ATAD2B: variants seen among roughly 807,000 people sequenced by gnomAD.
ATAD2B encodes the protein ATPase family AAA domain-containing protein 2B.
In ATAD2B, 40 loss-of-function variants were observed where a neutral mutation model predicts 167.6. The observed-to-expected ratio is 0.24, with a 90% CI of 0.19 to 0.31. The LOEUF (loss-of-function observed/expected upper bound fraction) is 0.31. Ranked by LOEUF, ATAD2B falls within the 10% of genes least tolerant of loss-of-function variation. The pLI is 1.00. For missense variants in ATAD2B, 1,242 were observed against 1,757.2 expected, an observed-to-expected ratio of 0.71 and a Z score of 5.24; for synonymous variants, 579 against 596.5, an observed-to-expected ratio of 0.97 and a Z score of 0.43.
intron 22 of ATAD2B, among the ~76,000 whole-genome samples, chr2:23,781,332 A>AT (rs1171786142): frequency 1.5e-4 from 21 of 143,220 alleles, no homozygotes; most frequent in African/African-American, 4.9e-4. Flanking sequence ...CTGACCACAA[A>AT]AAAATAAATA....
intron 10 of ATAD2B, among the ~76,000 whole-genome samples, chr2:23,866,308 G>A (rs1032700541): frequency 4.6e-5 from 7 of 152,184 alleles, no homozygotes; most frequent in African/African-American, 1.4e-4. Context: ...GGGAGGCTGA[G>A]GCAGGAGAAT....
Position 23,757,451 on chromosome 2 carries a change from C to T in ATAD2B, c.4045G>A (p.Val1349Met), listed in dbSNP as rs1676083979. The T allele has an allele frequency of 9.2e-6, 14 of 1,515,922 alleles. No individual in the cohort carries two copies. Among genetic ancestry groups the T allele is most frequent in the Non-Finnish European group, 1.2e-5 (14 of 1,137,496 alleles). 93.9% of individuals were successfully genotyped at this position (1,515,922 alleles called of 1,614,324 possible). The change falls in exon 25 of 28, where the codon GTG (valine) becomes ATG (methionine). Residue 1349 changes from valine (V) to methionine (M), a missense_variant. Val to Met is a conservative substitution (Grantham distance 21). Transcript: ENST00000238789. The part of the protein sequence containing the change: ...NNEKLEPGSD[V>M]EVKDAELDKE... ...TCCAGTTCTGCATCTTTAACCTCCA[C>T]ATCAGAGCCAGGTTCTAACTTCTCA...
In ATAD2B at chr2:23,845,122, T is replaced by C. The variant is rs566558547; in HGVS notation, c.1569-11044A>G. On this transcript the variant is annotated intron_variant, in intron 13 of 27. Coordinates refer to ENST00000238789, the MANE Select transcript of ATAD2B (RefSeq NM_017552.4). The stretch of plus-strand genomic sequence containing the variant: ...AAAAAAGTGTCGACTTCAAATTTTA[T>C]ACCCAGAGAAAATACCCTTCAAAAA... 2.6e-5 allele frequency among the ~76,000 whole-genome samples: 4 copies of C among 152,280 alleles called. No individual in the cohort carries two copies. The South Asian group carries it at 8.3e-4, about 32-fold the overall frequency.
the ATAD2B span, among the ~76,000 whole-genome samples, chr2:23,679,362 A>T: frequency 3.0e-4 from 45 of 152,296 alleles, no homozygotes; most frequent in African/African-American, 1.0e-3. Context: ...TCTGCTCCAC[A>T]CAGTCTCTCA....
chr2:23,830,470 A>C (rs562212177), intron 14 of ATAD2B, among the ~76,000 whole-genome samples: 7 of 152,186 alleles, frequency 4.6e-5, no homozygotes, highest in Non-Finnish European at 1.0e-4. Flanking sequence ...TGAGACATGA[A>C]AAAGTAAATT....
chr2:23,698,741 C>G, the ATAD2B span, among the ~76,000 whole-genome samples: 157 of 152,258 alleles, frequency 1.0e-3, no homozygotes, highest in African/African-American at 3.7e-3. Flanking sequence ...AGCAGAACGC[C>G]TCACTCGGCA....
At position 23,884,746 on chromosome 2, in the gene ATAD2B, C is replaced by T; in HGVS notation, c.784+19G>A. On this transcript the variant is annotated intron_variant, in intron 6 of 27. Coordinates refer to ENST00000238789, the MANE Select transcript of ATAD2B (RefSeq NM_017552.4). Reference sequence around the variant, plus strand: ...CTCCCACCTGAACTTTCTAGAATTCCAAAAAGTGCTTTACAAACCTTCTTC... The same window carrying T: ...CTCCCACCTGAACTTTCTAGAATTCTAAAAAGTGCTTTACAAACCTTCTTC... 1 of 1,465,292 alleles carries T rather than the reference C, an allele frequency of 6.8e-7. No homozygotes were observed. The highest frequency in any genetic ancestry group is 1.4e-5 in the African/African-American group (1 of 70,924). 90.8% of individuals were successfully genotyped at this position (1,465,292 alleles called of 1,614,324 possible).
At chr2:23,755,192 C>T (rs1169806453) in intron 25 of ATAD2B, 1 of 153,206 alleles carries the variant, frequency 6.5e-6, no homozygotes, top group East Asian at 1.9e-4. Context: ...CACCTGTCTA[C>T]ACATTTGCCT....
chr2:23,872,972 T>C (rs576090689), intron 8 of ATAD2B: 68 of 742,986 alleles, frequency 9.2e-5, no homozygotes, highest in Non-Finnish European at 1.7e-4. Context: ...AGGTTCCAGG[T>C]GCTCTCACTG....
intron 15 of ATAD2B, among the ~76,000 whole-genome samples, chr2:23,824,783 C>CA (rs1185896774): frequency 6.6e-6 from 1 of 152,102 alleles, no homozygotes; most frequent in African/African-American, 2.4e-5. Flanking sequence ...GCATCCTTGT[C>CA]ACAAAAAGGA....
intron 1 of ATAD2B, among the ~76,000 whole-genome samples, chr2:23,921,205 C>CACA (rs1703875018): frequency 3.1e-5 from 1 of 32,290 alleles, no homozygotes; most frequent in Non-Finnish European, 5.1e-5. Context: ...GACTCCATCT[C>CACA]AAAAAAAAAA....
the ATAD2B span, chr2:23,696,447 T>C: frequency 6.4e-7 from 1 of 1,550,934 alleles, no homozygotes; most frequent in South Asian, 1.2e-5. This position sits in a 1 kb window ranked among gnomAD's most constrained non-coding sequence, Gnocchi z 5.5. Context: ...AATAGCCTCG[T>C]CTACGATGGG....
Position 23,810,403 on chromosome 2 carries a change from G to A in ATAD2B, c.2367C>T (p.His789=). ...TATGCACAGAGAATCTTTCTAGAGT[G>A]TGCAAAAGTGCTGGAGCAAGGTGAG... ...QTSHLAPALL[H]TLERFSVHRL... The change falls in exon 18 of 28, where the codon CAC becomes CAT. Residue 789 remains histidine, a synonymous_variant. Transcript: ENST00000238789. 1 of 1,613,880 alleles carries A rather than the reference G, an allele frequency of 6.2e-7. No homozygotes were observed. The highest frequency in any genetic ancestry group is 8.5e-7 in the Non-Finnish European group (1 of 1,179,806).
chr2:23,849,301 T>C (rs1460095195), intron 13 of ATAD2B, among the ~76,000 whole-genome samples: 1 of 152,212 alleles, frequency 6.6e-6, no homozygotes, highest in Non-Finnish European at 1.5e-5. Context: ...GGTGAATTAT[T>C]ATCTGATAAA....
intron 10 of ATAD2B, among the ~76,000 whole-genome samples, chr2:23,865,499 A>G (rs1695005386): frequency 1.3e-5 from 2 of 151,492 alleles, no homozygotes; most frequent in Non-Finnish European, 2.9e-5. Context: ...ATTGCACTAC[A>G]GCCTGGGCAA....
intron 2 of ATAD2B, among the ~76,000 whole-genome samples, chr2:23,890,354 C>T (rs544956217): frequency 6.6e-6 from 1 of 152,050 alleles, no homozygotes; most frequent in Non-Finnish European, 1.5e-5. Context: ...AAAAAAAATA[C>T]CTTTACCTAA....
intron 11 of ATAD2B, 122 bp from the exon 12 acceptor site, chr2:23,863,677 T>TA (rs1694750546): frequency 1.1e-6 from 1 of 933,164 alleles, no homozygotes. Context: ...TAGACATTGA[T>TA]AAAGCTTTTT....
the ATAD2B span, among the ~76,000 whole-genome samples, chr2:23,741,934 C>A: frequency 3.3e-5 from 5 of 152,158 alleles, no homozygotes; most frequent in African/African-American, 1.2e-4. Flanking sequence ...ATTTATGCAG[C>A]CAAAAAACAC....
intron 1 of ATAD2B, 37 bp from the exon 2 acceptor site, chr2:23,896,007 A>G: frequency 2.6e-6 from 4 of 1,526,186 alleles, no homozygotes; most frequent in Non-Finnish European, 3.6e-6. Flanking sequence ...TATTATTCCT[A>G]TTAAGATAAA....
Sources: gnomAD v4.1 joint callset for allele counts (sites outside exome capture counted in the v4.1 genomes callset) on GRCh38, gnomAD v4.1.1 for gene constraint, Gnocchi (gnomAD v3.1) non-coding constraint, MANE v1.5 for transcripts, NCBI Gene and HGNC (gene_info 2026-07-23, HGNC 2026-07-21) for gene names.